The following MEMO1 variants were observed in gnomAD, a reference collection of about 807,000 sequenced individuals.
The protein encoded by MEMO1 is protein MEMO1.
A neutral mutation model predicts 45.2 loss-of-function variants in MEMO1; 6 were observed. That is an observed-to-expected ratio of 0.13 (90% CI 0.07 to 0.26). MEMO1 has a LOEUF of 0.26. Ranked by LOEUF, MEMO1 falls within the 10% of genes least tolerant of loss-of-function variation. The pLI is 1.00. For synonymous variants in MEMO1, 78 were observed against 124.3 expected (o/e 0.63, Z 2.48); for missense variants, 184 against 370.5 (o/e 0.50, Z 4.13).
chr2:31,992,446 A>C (rs966930108), intron 2 of MEMO1, among the ~76,000 whole-genome samples: 4 of 152,204 alleles, frequency 2.6e-5, no homozygotes, highest in African/African-American at 4.8e-5. Flanking sequence ...CTCAAATCTC[A>C]TATCACAATA....
chr2:31,885,231 T>C (rs1676015602), intron 7 of MEMO1, among the ~76,000 whole-genome samples: 1 of 152,196 alleles, frequency 6.6e-6, no homozygotes, highest in Admixed American at 6.5e-5. Flanking sequence ...GTGATTCTCC[T>C]GCCTCAACCT....
At chr2:31,941,012 T>A (rs1411003249) in intron 3 of MEMO1, among the ~76,000 whole-genome samples, 1 of 152,212 alleles carries the variant, frequency 6.6e-6, no homozygotes, top group Non-Finnish European at 1.5e-5. Flanking sequence ...TGTTCCCACA[T>A]AATATAATAT....
intron 6 of MEMO1, among the ~76,000 whole-genome samples, chr2:31,910,814 T>C (rs900661046): frequency 6.6e-6 from 1 of 152,016 alleles, no homozygotes; most frequent in South Asian, 2.1e-4. Flanking sequence ...AAGCCAAGAT[T>C]GTGCACCCCT....
chr2:32,009,682 G>A (rs1021939485), intron 2 of MEMO1, among the ~76,000 whole-genome samples: 3 of 152,148 alleles, frequency 2.0e-5, no homozygotes, highest in Admixed American at 1.3e-4. Context: ...GACCGCCAGC[G>A]GGGAGGGCAG....
At chr2:31,947,778 G>C (rs1666357494) in intron 2 of MEMO1, among the ~76,000 whole-genome samples, 1 of 152,144 alleles carries the variant, frequency 6.6e-6, no homozygotes, top group South Asian at 2.1e-4. Flanking sequence ...TTCCAAGTAA[G>C]TTTATTTGCA....
rs1558514117 is a variant in MEMO1 at position 31,933,340 on chromosome 2, AAAAAAAAAATT to A, written c.144-1216_144-1206del. 3.5e-5 allele frequency among the ~76,000 whole-genome samples: 2 copies of A among 57,500 alleles called. 1 individual carries two copies. Among genetic ancestry groups the A allele is most frequent in the African/African-American group, 1.5e-4 (2 of 13,126 alleles). 37.7% of individuals were successfully genotyped at this position (57,500 alleles called of 152,430 possible). On this transcript the variant is annotated intron_variant, in intron 3 of 9. Transcript: ENST00000404530. ...TTTAAAAAAAAAAAAAAAAAAAAAA[AAAAAAAAAATT>A]TATATATATATATATATATATATAT...
chr2:31,909,685 C>T (rs1215505725), intron 6 of MEMO1, among the ~76,000 whole-genome samples: 1 of 152,120 alleles, frequency 6.6e-6, no homozygotes, highest in African/African-American at 2.4e-5. Flanking sequence ...GTCCATACTA[C>T]CCAACACAAT....
chr2:31,890,587 C>A (rs1032601002), intron 7 of MEMO1, among the ~76,000 whole-genome samples: 1 of 151,894 alleles, frequency 6.6e-6, no homozygotes, highest in Non-Finnish European at 1.5e-5. Flanking sequence ...AATTAAAGAA[C>A]CCTGAATATT....
intron 2 of MEMO1, among the ~76,000 whole-genome samples, chr2:32,003,112 CTCTA>C (rs1450875710): frequency 3.9e-5 from 6 of 152,036 alleles, no homozygotes; most frequent in Non-Finnish European, 7.4e-5. Context: ...TATTTTGACA[CTCTA>C]TCTTTTTTTA....
chr2:31,969,615 GT>G (rs1669127082), intron 2 of MEMO1, among the ~76,000 whole-genome samples: 3 of 150,234 alleles, frequency 2.0e-5, no homozygotes, highest in Non-Finnish European at 4.4e-5. Flanking sequence ...GTGTGTGTGT[GT>G]GTGTGTGTGT....
At chr2:32,002,180 T>TACACACACAC (rs753814451) in intron 2 of MEMO1, among the ~76,000 whole-genome samples, 2 of 127,462 alleles carry the variant, frequency 1.6e-5, no homozygotes, top group Admixed American at 7.9e-5. Context: ...TATATATATA[T>TACACACACAC]ATATATACAC....
At chr2:31,999,498 C>T (rs768420779) in intron 2 of MEMO1, among the ~76,000 whole-genome samples, 1 of 152,106 alleles carries the variant, frequency 6.6e-6, no homozygotes. Flanking sequence ...CCCGCCCCCC[C>T]ATCTCTACCA....
At chr2:31,980,186 C>T (rs1670475643) in intron 2 of MEMO1, among the ~76,000 whole-genome samples, 1 of 152,122 alleles carries the variant, frequency 6.6e-6, no homozygotes, top group Non-Finnish European at 1.5e-5. Context: ...AATCCCAATA[C>T]TTTGAGGGGA....
chr2:32,005,388 C>G (rs972091461), intron 2 of MEMO1, among the ~76,000 whole-genome samples: 1 of 104,050 alleles, frequency 9.6e-6, no homozygotes, highest in African/African-American at 3.9e-5. Context: ...AATTGGAAAA[C>G]AGACAAAATT....
chr2:31,916,763 CAGATTTAT>C (rs1471920394), intron 6 of MEMO1, among the ~76,000 whole-genome samples: 2 of 152,206 alleles, frequency 1.3e-5, no homozygotes, highest in East Asian at 3.9e-4. Context: ...GAAAATTCTT[CAGATTTAT>C]ATAATTCCTC....
At chr2:31,990,047 G>A (rs541351200) in intron 2 of MEMO1, among the ~76,000 whole-genome samples, 21 of 152,230 alleles carry the variant, frequency 1.4e-4, no homozygotes, top group Admixed American at 1.1e-3. Context: ...AGCCCAGGAG[G>A]TCAAGGTTGC....
At chr2:31,977,372 T>A (rs1474784518) in intron 2 of MEMO1, among the ~76,000 whole-genome samples, 2 of 152,194 alleles carry the variant, frequency 1.3e-5, no homozygotes. Flanking sequence ...TCATGTGCAC[T>A]GTATAGTTTA....
At position 32,003,247 on chromosome 2, in the gene MEMO1, ATAG is replaced by A. The variant is rs371104363; in HGVS notation, c.61+6937_61+6939del. 6.0e-3 allele frequency among the ~76,000 whole-genome samples: 911 copies of A among 152,334 alleles called. 12 individuals are homozygous for A. Among genetic ancestry groups the A allele is most frequent in the African/African-American group, 0.02 (851 of 41,564 alleles). On this transcript the variant is annotated intron_variant, in intron 2 of 9. Coordinates refer to ENST00000404530, the MANE Select transcript of MEMO1 (RefSeq NM_001301833.4). ...ATAATTTTATCAATTGTTTAGAAACATAGTAGAATTAATGAAAACAAAAACTAA... is the reference window on the plus strand; with the variant it reads ...ATAATTTTATCAATTGTTTAGAAACATAGAATTAATGAAAACAAAAACTAA...
chr2:31,959,158 C>T (rs145282140), intron 2 of MEMO1, among the ~76,000 whole-genome samples: 13 of 152,230 alleles, frequency 8.5e-5, no homozygotes, highest in African/African-American at 3.1e-4. Context: ...ACAAGGCAAC[C>T]AGCTGAATAT....
Sources: gnomAD v4.1 joint callset for allele counts (sites outside exome capture counted in the v4.1 genomes callset) on GRCh38, gnomAD v4.1.1 for gene constraint, MANE v1.5 for transcripts, NCBI Gene and HGNC (gene_info 2026-07-23, HGNC 2026-07-21) for gene names.